Variants in DNAH5 observed in about 807,000 individuals in gnomAD.
DNAH5 encodes axonemal beta dynein heavy chain 5.
Under a neutral mutation model 518.2 loss-of-function variants are expected in DNAH5, and 372 were observed. The ratio of observed to expected loss-of-function variants is 0.72; its 90% CI spans 0.66 to 0.78. The LOEUF is 0.78. DNAH5 is among the 30% of genes least tolerant of loss of function. The probability of loss-of-function intolerance (pLI) is 0.00; values close to 1 mark genes in which losing one functional copy is unlikely to be tolerated. For synonymous variants in DNAH5, 2,039 were observed against 2,025.9 expected (o/e 1.01, Z -0.17); for missense variants, 5,523 against 5,687.0 (o/e 0.97, Z 0.93).
chr5:13,754,141 T>C, intron 62 of DNAH5, 62 bp downstream of exon 62: 1 of 1,598,230 alleles, frequency 6.3e-7, no homozygotes, highest in South Asian at 1.1e-5. Flanking sequence ...GATTAAAGTA[T>C]AAGCTTTCGA....
chr5:13,767,539 TAAAAG>T (rs1752675249), intron 58 of DNAH5, among the ~76,000 whole-genome samples: 2 of 152,156 alleles, frequency 1.3e-5, no homozygotes, highest in Admixed American at 1.3e-4. Flanking sequence ...TGCACAGTTA[TAAAAG>T]AAAAGAGAAA....
At chr5:13,870,615 G>T in intron 24 of DNAH5, 152 bp downstream of exon 24, 1 of 757,332 alleles carries the variant, frequency 1.3e-6, no homozygotes, top group South Asian at 1.6e-5. Context: ...GGAAGGCAAT[G>T]CTATAGGGGT....
chr5:13,876,722 C>A lies in DNAH5; in HGVS notation c.3358G>T (p.Val1120Phe), dbSNP rs758841490. The change falls in exon 22 of 79, where the codon GTT becomes TTT. Residue 1120 changes from valine (V) to phenylalanine (F), a missense_variant. This residue lies in a region of DNAH5 where 5,121 missense variants were observed against 5,223.3 expected (regional missense o/e 0.98). Coordinates refer to ENST00000265104, the MANE Select transcript of DNAH5 (RefSeq NM_001369.3). The stretch of plus-strand genomic sequence containing the variant: ...TTGATAATTGTGCTAAGCACAGAAA[C>A]TAATTTTACAATCTCTTTGTTTTCA... Reference protein sequence around the residue: ...VSENKEIVKLVSVLSTIINST... With the variant: ...VSENKEIVKLFSVLSTIINST... 1.2e-6 allele frequency: 2 copies of A among 1,613,908 alleles called. No homozygotes were observed. The highest frequency in any genetic ancestry group is 3.3e-4 in the Middle Eastern group (2 of 6,056).
At chr5:13,710,287 C>A (rs1020107526) in intron 75 of DNAH5, among the ~76,000 whole-genome samples, 2 of 152,108 alleles carry the variant, frequency 1.3e-5, no homozygotes, top group Non-Finnish European at 2.9e-5. Flanking sequence ...CAAGGGAACA[C>A]CCTGTGGGAC....
intron 12 of DNAH5, among the ~76,000 whole-genome samples, chr5:13,908,195 A>AT (rs530394354): frequency 6.6e-6 from 1 of 152,154 alleles, no homozygotes; most frequent in Non-Finnish European, 1.5e-5. Flanking sequence ...AAGTATATGT[A>AT]TTTTTTAAGT....
chr5:13,692,106 G>T lies in DNAH5; in HGVS notation c.13753C>A (p.Pro4585Thr), dbSNP rs760428177. 1.2e-5 allele frequency: 19 copies of T among 1,613,852 alleles called. No individual in the cohort carries two copies. Among genetic ancestry groups the T allele is most frequent in the Non-Finnish European group, 1.4e-5 (16 of 1,179,960 alleles). The change falls in exon 79 of 79, where the codon CCC (proline) becomes ACC (threonine). Residue 4585 changes from proline (P) to threonine (T), a missense_variant. Pro to Thr is a conservative substitution (Grantham distance 38). This residue lies in a region of DNAH5 where 387 missense variants were observed against 430.0 expected (regional missense o/e 0.90). Transcript: ENST00000265104. Reference sequence around the variant, plus strand: ...GTTCGAACTGGCTTCTTATAGATGGGACAGGAGTAAAACCGAGGATCTCGT... The same window carrying T: ...GTTCGAACTGGCTTCTTATAGATGGTACAGGAGTAAAACCGAGGATCTCGT... ...TLRDPRFYSCPIYKKPVRTDL... is the reference protein window; with the variant it reads ...TLRDPRFYSCTIYKKPVRTDL...
intron 31 of DNAH5, among the ~76,000 whole-genome samples, chr5:13,847,665 A>G (rs1298108777): frequency 1.3e-5 from 2 of 151,328 alleles, no homozygotes; most frequent in Non-Finnish European, 2.9e-5. Flanking sequence ...CGGAGGCTGC[A>G]GTGGGCTGAG....
intron 43 of DNAH5, among the ~76,000 whole-genome samples, chr5:13,812,404 C>T (rs914283986): frequency 6.6e-6 from 1 of 152,244 alleles, no homozygotes; most frequent in South Asian, 2.1e-4. Flanking sequence ...CTCCCAGGCT[C>T]AGGTGATCCT....
In DNAH5 at chr5:13,885,073, T is replaced by C. The variant is rs764914687; in HGVS notation, c.2899A>G (p.Met967Val). Residue 967 changes from methionine (M) to valine (V), a missense_variant, in exon 19 of 79, where the codon ATG (methionine) becomes GTG (valine). Transcript: ENST00000265104. ...ELLSHFNHQN[M>V]DALLKVTRNT... is the part of the protein sequence containing the mutation. Reference sequence around the variant, plus strand: ...CTTGTAACTTTCAGAAGAGCATCCATGTTCTGATGGTTGAAATGAGAGAGT... The same window carrying C: ...CTTGTAACTTTCAGAAGAGCATCCACGTTCTGATGGTTGAAATGAGAGAGT... The C allele has an allele frequency of 5.0e-6, 8 of 1,614,094 alleles. No individual in the cohort carries two copies. The highest frequency in any genetic ancestry group is 1.7e-5 in the Admixed American group (1 of 60,008).
chr5:13,961,694 T>A (rs1373605325), intron 1 of DNAH5, among the ~76,000 whole-genome samples: 6 of 151,990 alleles, frequency 3.9e-5, no homozygotes, highest in Non-Finnish European at 7.4e-5. Flanking sequence ...AAGTGACTCG[T>A]CCAAAGCCCA....
intron 52 of DNAH5, among the ~76,000 whole-genome samples, chr5:13,781,618 G>T (rs1375926667): frequency 6.6e-6 from 1 of 152,008 alleles, no homozygotes; most frequent in African/African-American, 2.4e-5. Context: ...TTTATCAGGG[G>T]TTTTCGCTTT....
rs368342748 is a variant in DNAH5 at position 13,990,010 on chromosome 5, A to G, written c.12+21638T>C. On this transcript the variant is annotated intron_variant, in intron 1 of 78. Coordinates refer to the DNAH5 transcript ENST00000681290. ...CCCATTTTTATAGATTAAAACATTG[A>G]AGCACAGAGAGGTTAAGTGACCTAC... Among the ~76,000 whole-genome samples the G allele has an allele frequency of 2.6e-5, 4 of 152,198 alleles. No individual in the cohort carries two copies. The East Asian group carries it at 5.8e-4, about 22-fold the overall frequency.
chr5:13,772,735 AG>A (rs34699655), intron 55 of DNAH5, among the ~76,000 whole-genome samples: 5 of 151,758 alleles, frequency 3.3e-5, no homozygotes, highest in Non-Finnish European at 7.4e-5. Context: ...TATCAGCCCT[AG>A]GGGCTTCTTT....
chr5:13,987,903 A>AAT (rs1783173088), intron 1 of DNAH5, among the ~76,000 whole-genome samples: 1 of 151,384 alleles, frequency 6.6e-6, no homozygotes. Context: ...AGGACCCTTC[A>AAT]AATGTCTACT....
At chr5:13,696,560 T>A (rs115160914) in intron 78 of DNAH5, among the ~76,000 whole-genome samples, 4,005 of 152,234 alleles carry the variant, frequency 0.026, 127 homozygotes, top group African/African-American at 0.079. Context: ...AATCAAAAAA[T>A]TTCCTTCATA....
chr5:13,967,399 T>G (rs1781596991), intron 1 of DNAH5, among the ~76,000 whole-genome samples: 1 of 152,184 alleles, frequency 6.6e-6, no homozygotes, highest in Non-Finnish European at 1.5e-5. Flanking sequence ...ATATGTGGCT[T>G]GCCAATTATC....
chr5:13,884,968 C>G (rs1299244084), intron 19 of DNAH5, 21 bp downstream of exon 19: 2 of 1,613,960 alleles, frequency 1.2e-6, no homozygotes, highest in South Asian at 2.2e-5. Flanking sequence ...ATCCACTAAG[C>G]AAACCACACA....
Position 13,780,193 on chromosome 5 carries a change from T to C in DNAH5, c.8951+636A>G, listed in dbSNP as rs147301822. Among the ~76,000 whole-genome samples the C allele has an allele frequency of 4.8e-3, 734 of 152,324 alleles. 6 individuals are homozygous for C. The highest frequency in any genetic ancestry group is 8.4e-3 in the Non-Finnish European group (574 of 68,026). On this transcript the variant is annotated intron_variant, in intron 53 of 78. Transcript: ENST00000265104. ...TATTGAGGTTTCAGTTTAATCACTTTCTCCAGGAAGTCTTTTCTAATCATC... is the reference window on the plus strand; with the variant it reads ...TATTGAGGTTTCAGTTTAATCACTTCCTCCAGGAAGTCTTTTCTAATCATC...
chr5:13,920,595 A>G lies in DNAH5; in HGVS notation c.683T>C (p.Ile228Thr). ...KEKVNLRKCD[I>T]LELKTLKEPT... is the part of the protein sequence containing the mutation. ...TTCCTTTAGGGTTTTCAGTTCAAGT[A>G]TGTCACACTTTCGAAGGTTCACCTA... is the stretch of plus-strand genomic sequence containing the variant. Residue 228 changes from isoleucine to threonine, a missense_variant, in exon 6 of 79, where the codon ATA becomes ACA. This residue lies in a region of DNAH5 where 5,121 missense variants were observed against 5,223.3 expected (regional missense o/e 0.98). Coordinates refer to ENST00000265104, the MANE Select transcript of DNAH5 (RefSeq NM_001369.3). The G allele has an allele frequency of 6.2e-7, 1 of 1,614,182 alleles. No individual in the cohort carries two copies. Among genetic ancestry groups the G allele is most frequent in the Non-Finnish European group, 8.5e-7 (1 of 1,180,002 alleles).
Sources: allele counts gnomAD v4.1 joint callset (sites outside exome capture counted in the v4.1 genomes callset), GRCh38; gene constraint gnomAD v4.1.1; regional missense constraint gnomAD v4.1.1; transcripts MANE v1.5; gene names NCBI Gene and HGNC (gene_info 2026-07-23, HGNC 2026-07-21).